Variants in TRIM6 observed in about 807,000 individuals in gnomAD.
The protein encoded by TRIM6 is tripartite motif-containing protein 6.
TRIM6 carries 43 observed loss-of-function variants against 51.2 expected under a neutral mutation model. The ratio of observed to expected loss-of-function variants is 0.84; its 90% CI spans 0.66 to 1.08. The LOEUF is 1.08. TRIM6 is among the 50% of genes least tolerant of loss of function. The pLI, the probability that TRIM6 is intolerant of heterozygous loss-of-function variation, is 0.00. For synonymous variants in TRIM6, 215 were observed against 232.4 expected (o/e 0.93, Z 0.68); for missense variants, 669 against 619.0 (o/e 1.08, Z -0.86).
rs570112678 is a variant in TRIM6, at chr11:5,610,390, C to T, written c.958+145C>T. On this transcript the variant is annotated intron_variant, in intron 6 of 7. Transcript: ENST00000380097. ...GGGACATAGTGTGCTGAAGAAGATG[C>T]GGTTTGTATTTAAGGGGAGATGAAA... is the stretch of plus-strand genomic sequence containing the variant. The T allele has an allele frequency of 2.9e-4, 454 of 1,565,258 alleles. 1 individual carries two copies. The African/African-American group carries it at 5.1e-3, about 18-fold the overall frequency.
intron 1 of TRIM6, 127 bp from the exon 2 acceptor site, chr11:5,603,119 A>G (rs1398170944): frequency 2.8e-6 from 4 of 1,454,198 alleles, no homozygotes; most frequent in Admixed American, 2.5e-5. Flanking sequence ...AACGTATTGG[A>G]TATGAGAATG....
intron 1 of TRIM6, among the ~76,000 whole-genome samples, chr11:5,601,444 G>A (rs926924894): frequency 1.3e-5 from 2 of 152,166 alleles, no homozygotes; most frequent in African/African-American, 4.8e-5. Context: ...ACTGGTTACA[G>A]AATCATGAGT....
rs1363989260 is a variant in TRIM6 at position 5,612,300 on chromosome 11, CCATT to C, written c.*959_*962del. 2 of 152,042 alleles carry C rather than the reference CCATT, an allele frequency of 1.3e-5. No individual in the cohort carries two copies. The highest frequency in any genetic ancestry group is 2.9e-5 in the Non-Finnish European group (2 of 68,024). 9.4% of individuals were successfully genotyped at this position (152,042 alleles called of 1,614,324 possible). ...TATAGGATTGAGCTCTAAAACCAAACCATTATAATGATAATTTGGGTAGCTTCAA... is the reference window on the plus strand; with the variant it reads ...TATAGGATTGAGCTCTAAAACCAAACATAATGATAATTTGGGTAGCTTCAA... On this transcript the variant is annotated 3_prime_UTR_variant, in exon 8 of 8. Transcript: ENST00000380097.
At chr11:5,599,473 G>A (rs1847696648) in intron 1 of TRIM6, among the ~76,000 whole-genome samples, 1 of 151,854 alleles carries the variant, frequency 6.6e-6, no homozygotes. Flanking sequence ...GCACGATCTC[G>A]ACTCACTGCA....
In TRIM6 at chr11:5,596,722, C is replaced by CCCCT. The variant is rs924028391; in HGVS notation, c.-175_-172dup. ...GGCCAAAGGCTGGCGGAGGAGGGAT[C>CCCCT]CCCTGCCTTTCTCGGAACGGAACGG... On this transcript the variant is annotated 5_prime_UTR_variant, in exon 1 of 8. The change abolishes the stop of an existing upstream ORF in the 5' untranslated region. Coordinates refer to ENST00000380097, the MANE Select transcript of TRIM6 (RefSeq NM_001003818.3). 3.5e-5 allele frequency: 33 copies of CCCCT among 951,040 alleles called. No homozygotes were observed. The highest frequency in any genetic ancestry group is 8.3e-5 in the African/African-American group (5 of 60,086). The allele number at this position is 951,040 out of a possible 1,614,324, so 58.9% of individuals were successfully genotyped here. A position where few individuals can be genotyped will look rare whatever the true frequency, so the allele number is the denominator to read the frequency against.
Position 5,596,747 on chromosome 11 carries a change from G to A in TRIM6, c.-151G>A, listed in dbSNP as rs1222968814. 13 of 1,232,832 alleles carry A rather than the reference G, an allele frequency of 1.1e-5. No individual in the cohort carries two copies. Among genetic ancestry groups the A allele is most frequent in the Non-Finnish European group, 1.5e-5 (13 of 853,420 alleles). The allele number at this position is 1,232,832 out of a possible 1,614,324, so 76.4% of individuals were successfully genotyped here. On this transcript the variant is annotated 5_prime_UTR_variant, in exon 1 of 8. Transcript: ENST00000380097. ...CCCCTGCCTTTCTCGGAACGGAACGGAGCAGAGTCGTGCGTGGTTGAGTTT... is the reference window on the plus strand; with the variant it reads ...CCCCTGCCTTTCTCGGAACGGAACGAAGCAGAGTCGTGCGTGGTTGAGTTT...
intron 5 of TRIM6, among the ~76,000 whole-genome samples, chr11:5,608,847 A>ATTTTTTTTTTTTTTTTTTTTTTTTTTT (rs370630648): frequency 9.8e-6 from 1 of 101,902 alleles, no homozygotes; most frequent in African/African-American, 4.3e-5. Context: ...TTGCCCATAA[A>ATTTTTTTTTTTTTTTTTTTTTTTTTTT]TTTTTTTTTT....
In TRIM6 at chr11:5,610,551, A is replaced by C. The variant is rs767142770; in HGVS notation, c.975A>C (p.Gln325His). Reference protein sequence around the residue: ...LRVCRELTDVQSYWVDVTLNP... With the variant: ...LRVCRELTDVHSYWVDVTLNP... ...TCATTACAGAGCTGACAGATGTCCA[A>C]AGCTACTGGGGTAAGTAGAAGCCAT... Residue 325 changes from glutamine (Q) to histidine (H), a missense_variant, in exon 7 of 8, where the codon CAA becomes CAC. Transcript: ENST00000380097. 1 of 1,613,706 alleles carries C rather than the reference A, an allele frequency of 6.2e-7. No individual in the cohort carries two copies. The highest frequency in any genetic ancestry group is 1.1e-5 in the South Asian group (1 of 90,992).
intron 3 of TRIM6, 57 bp downstream of exon 3, chr11:5,604,686 A>C (rs1404017010): frequency 1.6e-5 from 25 of 1,566,890 alleles, no homozygotes; most frequent in Non-Finnish European, 2.2e-5. Context: ...AGGTCATAGG[A>C]GCTGAGGGCA....
intron 1 of TRIM6, among the ~76,000 whole-genome samples, chr11:5,599,373 T>C (rs7482225): frequency 1 from 151,752 of 151,904 alleles, 75,800 homozygotes; most frequent in Non-Finnish European, 1. Context: ...ATAATACCAA[T>C]ACAATTATTA....
chr11:5,598,177 G>A (rs1590074576), intron 1 of TRIM6, among the ~76,000 whole-genome samples: 1 of 152,080 alleles, frequency 6.6e-6, no homozygotes, highest in African/African-American at 2.4e-5. Context: ...ACACTGCTCT[G>A]GAGACTTGGC....
At position 5,611,372 on chromosome 11, in the gene TRIM6, A is replaced by G; in HGVS notation, c.*30A>G. The G allele has an allele frequency of 1.3e-6, 2 of 1,532,394 alleles. No homozygotes were observed. Among genetic ancestry groups the G allele is most frequent in the Non-Finnish European group, 9.0e-7 (1 of 1,113,296 alleles). The allele number at this position is 1,532,394 out of a possible 1,614,324, so 94.9% of individuals were successfully genotyped here. A position where few individuals can be genotyped will look rare whatever the true frequency, so the allele number is the denominator to read the frequency against. ...TCTTCTGTTCCCACCCACTTCTGATAAGTACCCTGAGGCTTATCAGCATGT... is the reference window on the plus strand; with the variant it reads ...TCTTCTGTTCCCACCCACTTCTGATGAGTACCCTGAGGCTTATCAGCATGT... On this transcript the variant is annotated 3_prime_UTR_variant, in exon 8 of 8. Transcript: ENST00000380097.
At chr11:5,604,765 C>A in intron 3 of TRIM6, 136 bp downstream of exon 3, 1 of 844,542 alleles carries the variant, frequency 1.2e-6, no homozygotes, top group Non-Finnish European at 1.8e-6. Context: ...TGGTCCTCCA[C>A]TATATTCCTT....
chr11:5,611,806 G>A lies in TRIM6; in HGVS notation c.*464G>A, dbSNP rs1433661873. 6.3e-6 allele frequency: 1 copy of A among 157,848 alleles called. No individual in the cohort carries two copies. Among genetic ancestry groups the A allele is most frequent in the Non-Finnish European group, 1.4e-5 (1 of 70,994 alleles). 9.8% of individuals were successfully genotyped at this position (157,848 alleles called of 1,614,324 possible). A position where few individuals can be genotyped will look rare whatever the true frequency, so the allele number is the denominator to read the frequency against. ...TACTAGGATGCACCCAGTGGTGAGA[G>A]TAAGCATCTTTGACTGATGACAGGT... On this transcript the variant is annotated 3_prime_UTR_variant, in exon 8 of 8. Coordinates refer to ENST00000380097, the MANE Select transcript of TRIM6 (RefSeq NM_001003818.3).
At chr11:5,599,522 G>C (rs937369271) in intron 1 of TRIM6, among the ~76,000 whole-genome samples, 1 of 152,002 alleles carries the variant, frequency 6.6e-6, no homozygotes, top group African/African-American at 2.4e-5. Context: ...TCCTGCCTCA[G>C]CCTCCCGAGT....
intron 4 of TRIM6, among the ~76,000 whole-genome samples, chr11:5,607,022 T>G (rs1195496918): frequency 1.4e-4 from 21 of 152,028 alleles, no homozygotes; most frequent in African/African-American, 5.1e-4. Context: ...GCTAACACGG[T>G]GAAACCCCGT....
At chr11:5,597,457 TTA>T (rs1394002081) in intron 1 of TRIM6, among the ~76,000 whole-genome samples, 2 of 152,354 alleles carry the variant, frequency 1.3e-5, no homozygotes, top group East Asian at 3.9e-4. Flanking sequence ...TTGAAACTGA[TTA>T]TGTTCCAATT....
At chr11:5,609,649 G>A (rs7945868) in intron 5 of TRIM6, among the ~76,000 whole-genome samples, 16,197 of 152,152 alleles carry the variant, frequency 0.11, 1,259 homozygotes, top group Middle Eastern at 0.21. Flanking sequence ...TTGGACAGGC[G>A]CAGTGACTCA....
chr11:5,596,617 C>T (rs572221680), upstream of TRIM6: 34 of 297,210 alleles, frequency 1.1e-4, no homozygotes, highest in South Asian at 1.1e-3. Flanking sequence ...TCCCCCACCC[C>T]AGGCGGCCCG....
Sources: allele counts gnomAD v4.1 joint callset (sites outside exome capture counted in the v4.1 genomes callset), GRCh38; gene constraint gnomAD v4.1.1; transcripts MANE v1.5; gene names NCBI Gene and HGNC (gene_info 2026-07-23, HGNC 2026-07-21).